FERMT3: variants seen among roughly 807,000 people sequenced by gnomAD.
FERMT3 encodes the protein fermitin family homolog 3.
In FERMT3, 33 loss-of-function variants were observed where a neutral mutation model predicts 80.8. That is an observed-to-expected ratio of 0.41 (90% confidence interval 0.31 to 0.55). The LOEUF (loss-of-function observed/expected upper bound fraction) is 0.55, where lower values mean the gene tolerates loss of function less well. Ranked by LOEUF, FERMT3 falls within the 20% of genes least tolerant of loss-of-function variation. The pLI is 0.31. For synonymous variants in FERMT3, 375 were observed against 372.2 expected (o/e 1.01, Z -0.09); for missense variants, 754 against 908.7 (o/e 0.83, Z 2.19).
chr11:64,215,917 C>T (rs992359845), intron 6 of FERMT3, among the ~76,000 whole-genome samples: 16 of 150,778 alleles, frequency 1.1e-4, no homozygotes, highest in Admixed American at 7.3e-4. Flanking sequence ...CTGCAACCTC[C>T]GCCTCCCGGG....
chr11:64,219,124 T>G lies in FERMT3; in HGVS notation c.787-127T>G. The G allele has an allele frequency of 1.2e-6, 1 of 860,578 alleles. No individual in the cohort carries two copies. The highest frequency in any genetic ancestry group is 2.1e-5 in the Admixed American group (1 of 48,012). 53.3% of individuals were successfully genotyped at this position (860,578 alleles called of 1,614,324 possible). On this transcript the variant is annotated intron_variant, in intron 6 of 14. Coordinates refer to ENST00000345728, the MANE Select transcript of FERMT3 (RefSeq NM_031471.6). The surrounding 1 kb of genome is among the most constrained non-coding windows in gnomAD (Gnocchi z 4.0). ...AGGTCTGTGGCCCATGTCTGGCCAC[T>G]GAATGAATCTGCCTCAGCAAGGAGG...
rs1294345991 is a variant in FERMT3, at chr11:64,220,315, C to T, written c.1300C>T (p.Arg434Trp). The T allele has an allele frequency of 4.3e-6, 7 of 1,613,540 alleles. No individual in the cohort carries two copies. The highest frequency in any genetic ancestry group is 5.9e-6 in the Non-Finnish European group (7 of 1,179,748). Residue 434 changes from arginine (R) to tryptophan (W), a missense_variant, in exon 11 of 15, where the codon CGG becomes TGG. Arg to Trp is a moderately radical substitution (Grantham distance 101). Coordinates refer to ENST00000345728, the MANE Select transcript of FERMT3 (RefSeq NM_031471.6). Reference protein sequence around the residue: ...SPEGMSEIYLRCQDEQQYARW... With the variant: ...SPEGMSEIYLWCQDEQQYARW... ...TGAGGGCATGAGTGAGATCTACCTGCGGTGCCAGGATGTGAGTGAGGGCTG... is the reference window on the plus strand; with the variant it reads ...TGAGGGCATGAGTGAGATCTACCTGTGGTGCCAGGATGTGAGTGAGGGCTG...
At chr11:64,207,771 T>G in intron 2 of FERMT3, 2 of 476,996 alleles carry the variant, frequency 4.2e-6, no homozygotes, top group Non-Finnish European at 7.5e-6. Flanking sequence ...CAATCCTCCA[T>G]TCAGCCACCA....
chr11:64,206,123 T>G (rs1245545260), upstream of FERMT3, among the ~76,000 whole-genome samples: 1 of 152,176 alleles, frequency 6.6e-6, no homozygotes, highest in African/African-American at 2.4e-5. Flanking sequence ...TGTTTGGAGC[T>G]GGGTGACCTG....
At chr11:64,215,900 C>T (rs998593529) in intron 6 of FERMT3, among the ~76,000 whole-genome samples, 13 of 151,306 alleles carry the variant, frequency 8.6e-5, no homozygotes, top group African/African-American at 2.2e-4. Flanking sequence ...GGTACGATCT[C>T]GGCTTACTGC....
chr11:64,213,800 G>C (rs1396286871), intron 6 of FERMT3, among the ~76,000 whole-genome samples: 3 of 152,050 alleles, frequency 2.0e-5, no homozygotes, highest in African/African-American at 7.2e-5. Context: ...GACCTCAGGT[G>C]ATTTGCCCAC....
chr11:64,222,850 T>TG (rs754607961), intron 13 of FERMT3, among the ~76,000 whole-genome samples, 198 bp from the exon 14 acceptor site: 52 of 152,260 alleles, frequency 3.4e-4, no homozygotes, highest in Non-Finnish European at 6.2e-4. Context: ...AATGCTGTTG[T>TG]GGGGATTTTA....
chr11:64,216,795 CAAAA>C (rs756054156), intron 6 of FERMT3, among the ~76,000 whole-genome samples: 14 of 35,180 alleles, frequency 4.0e-4, no homozygotes, highest in South Asian at 1.1e-3. Flanking sequence ...GACTCCATCT[CAAAA>C]AAAAAAAAAA....
chr11:64,219,202 G>C lies in FERMT3; in HGVS notation c.787-49G>C. The C allele has an allele frequency of 6.5e-7, 1 of 1,526,952 alleles. No homozygotes were observed. Among genetic ancestry groups the C allele is most frequent in the Non-Finnish European group, 8.9e-7 (1 of 1,125,974 alleles). The allele number at this position is 1,526,952 out of a possible 1,614,324, so 94.6% of individuals were successfully genotyped here. On this transcript the variant is annotated intron_variant, in intron 6 of 14. Coordinates refer to ENST00000345728, the MANE Select transcript of FERMT3 (RefSeq NM_031471.6). The surrounding 1 kb of genome is among the most constrained non-coding windows in gnomAD (Gnocchi z 4.0). ...GGCTCAGTGCAGGGCGTCCAGGGCA[G>C]CTGGCATCTGACCAGCCCAGCCTCC...
At chr11:64,217,365 C>A (rs893696123) in intron 6 of FERMT3, among the ~76,000 whole-genome samples, 1 of 152,218 alleles carries the variant, frequency 6.6e-6, no homozygotes, top group Non-Finnish European at 1.5e-5. Context: ...GCCTGATCAA[C>A]ATGGAGAAAG....
chr11:64,207,677 C>G, intron 2 of FERMT3, 153 bp downstream of exon 2: 1 of 941,560 alleles, frequency 1.1e-6, no homozygotes, highest in Non-Finnish European at 1.5e-6. Flanking sequence ...CCAAAAAAGA[C>G]ATTTCCCCAA....
rs774682007 is a variant in FERMT3, at chr11:64,223,849, A to T, written c.*357A>T. On this transcript the variant is annotated 3_prime_UTR_variant, in exon 15 of 15. Coordinates refer to ENST00000345728, the MANE Select transcript of FERMT3 (RefSeq NM_031471.6). ...AACGAGTTCTTTCTTGTTACTTTTTAAAATTTCTTTTTTATAAATTAATAT... is the reference window on the plus strand; with the variant it reads ...AACGAGTTCTTTCTTGTTACTTTTTTAAATTTCTTTTTTATAAATTAATAT... 1 of 1,461,284 alleles carries T rather than the reference A, an allele frequency of 6.8e-7. No individual in the cohort carries two copies. Among genetic ancestry groups the T allele is most frequent in the South Asian group, 1.3e-5 (1 of 77,772 alleles). 90.5% of individuals were successfully genotyped at this position (1,461,284 alleles called of 1,614,324 possible). A position where few individuals can be genotyped will look rare whatever the true frequency, so the allele number is the denominator to read the frequency against.
chr11:64,215,278 C>T (rs1946526305), intron 6 of FERMT3, among the ~76,000 whole-genome samples: 1 of 152,250 alleles, frequency 6.6e-6, no homozygotes, highest in African/African-American at 2.4e-5. Context: ...CTTTAATTTA[C>T]ATTTCCCTGA....
Position 64,210,970 on chromosome 11 carries a change from G to A in FERMT3, c.395-82G>A. 6.2e-7 allele frequency: 1 copy of A among 1,607,466 alleles called. No individual in the cohort carries two copies. Among genetic ancestry groups the A allele is most frequent in the African/African-American group, 1.3e-5 (1 of 74,824 alleles). On this transcript the variant is annotated intron_variant, in intron 3 of 14. Transcript: ENST00000345728. The surrounding 1 kb of genome is among the most constrained non-coding windows in gnomAD (Gnocchi z 4.3). ...GGGTTGCCACCCTGCCTGCAGGGCT[G>A]TGACCCGCCCCAAGCACCCATGGGT...
chr11:64,221,899 G>A (rs759256549), intron 13 of FERMT3, among the ~76,000 whole-genome samples: 2 of 141,112 alleles, frequency 1.4e-5, no homozygotes, highest in Non-Finnish European at 3.1e-5. Flanking sequence ...TGCACTCCAC[G>A]CTGGGTGACA....
chr11:64,220,345 G>GGGGCCA lies in FERMT3; in HGVS notation c.1311+25_1311+30dup. 2 of 1,611,918 alleles carry GGGGCCA rather than the reference G, an allele frequency of 1.2e-6. No individual in the cohort carries two copies. The highest frequency in any genetic ancestry group is 1.7e-6 in the Non-Finnish European group (2 of 1,178,608). On this transcript the variant is annotated intron_variant, in intron 11 of 14. Transcript: ENST00000345728. ...CCAGGATGTGAGTGAGGGCTGGGCA[G>GGGGCCA]GGGCCAGGGCCGGGCAGGAGCTGGG...
Position 64,210,875 on chromosome 11 carries a change from C to G in FERMT3, c.394+31C>G, listed in dbSNP as rs377696113. The G allele has an allele frequency of 1.3e-5, 21 of 1,609,428 alleles. No homozygotes were observed. In the African/African-American group the frequency reaches 2.5e-4, roughly 19 times the overall value. ...TTGCCCGGCTGATTCCCCTGGCCCA[C>G]GAGGGTGATGCAAAGAGGCAGGTTC... is the stretch of plus-strand genomic sequence containing the variant. On this transcript the variant is annotated intron_variant, in intron 3 of 14. Coordinates refer to ENST00000345728, the MANE Select transcript of FERMT3 (RefSeq NM_031471.6). The surrounding 1 kb of genome is among the most constrained non-coding windows in gnomAD (Gnocchi z 4.3).
Position 64,209,875 on chromosome 11 carries a change from T to C in FERMT3, c.161-736T>C, listed in dbSNP as rs375697317. 1.2e-4 allele frequency among the ~76,000 whole-genome samples: 19 copies of C among 152,300 alleles called. No homozygotes were observed. The East Asian group carries it at 1.5e-3, about 12-fold the overall frequency. The stretch of plus-strand genomic sequence containing the variant: ...TATGCTCTCTCCCACCTGTTCATGC[T>C]CCTGGAGGGAGGAGGCGGGGAGACC... On this transcript the variant is annotated intron_variant, in intron 2 of 14. Coordinates refer to ENST00000345728, the MANE Select transcript of FERMT3 (RefSeq NM_031471.6).
At chr11:64,220,879 C>G (rs1489332529) in intron 12 of FERMT3, 137 bp from the exon 13 acceptor site, 8 of 1,501,738 alleles carry the variant, frequency 5.3e-6, no homozygotes, top group Non-Finnish European at 6.3e-6. Context: ...CAGTGCAGAT[C>G]TGCACCTTGG....
Sources: allele counts gnomAD v4.1 joint callset (sites outside exome capture counted in the v4.1 genomes callset), GRCh38; gene constraint gnomAD v4.1.1; non-coding constraint Gnocchi (gnomAD v3.1); transcripts MANE v1.5; gene names NCBI Gene and HGNC (gene_info 2026-07-23, HGNC 2026-07-21).